The following PRPF8 variants were observed in gnomAD, a reference collection of about 807,000 sequenced individuals.
The protein encoded by PRPF8 is pre-mRNA-processing-splicing factor 8.
Under a neutral mutation model 285.9 loss-of-function variants are expected in PRPF8, and 64 were observed. The ratio of observed to expected loss-of-function variants is 0.22; its 90% CI spans 0.18 to 0.28. The LOEUF (loss-of-function observed/expected upper bound fraction) is 0.28. Ranked by LOEUF, PRPF8 falls within the 10% of genes least tolerant of loss-of-function variation. The pLI, the probability that PRPF8 is intolerant of heterozygous loss-of-function variation, is 1.00. For synonymous variants in PRPF8, 1,325 were observed against 1,118.2 expected (o/e 1.18, Z -3.69); for missense variants, 1,426 against 3,026.7 (o/e 0.47, Z 12.41).
chr17:1,672,497 G>T (rs995755658), intron 24 of PRPF8, among the ~76,000 whole-genome samples: 2 of 152,180 alleles, frequency 1.3e-5, no homozygotes, highest in African/African-American at 4.8e-5. Flanking sequence ...TGGACAGGCT[G>T]GTCTCAAACT....
chr17:1,667,355 T>C (rs1191279215), intron 24 of PRPF8, among the ~76,000 whole-genome samples: 1 of 152,174 alleles, frequency 6.6e-6, no homozygotes, highest in Non-Finnish European at 1.5e-5. Context: ...GAGGCATAAA[T>C]TCCTGAGGAG....
In PRPF8 at chr17:1,659,168, G is replaced by A. The variant is rs772040944; in HGVS notation, c.5138+189C>T. ...AACCTTCTGAGTAGCTGGGACTACA[G>A]GCGTGGACCACCACGCCCAGCTAAT... On this transcript the variant is annotated intron_variant, in intron 32 of 42. Coordinates refer to ENST00000304992, the MANE Select transcript of PRPF8 (RefSeq NM_006445.4). The surrounding 1 kb of genome is among the most constrained non-coding windows in gnomAD (Gnocchi z 5.1). 3 of 706,388 alleles carry A rather than the reference G, an allele frequency of 4.2e-6. No homozygotes were observed. Among genetic ancestry groups the A allele is most frequent in the East Asian group, 5.4e-5 (2 of 37,014 alleles). The allele number at this position is 706,388 out of a possible 1,614,324, so 43.8% of individuals were successfully genotyped here. A position where few individuals can be genotyped will look rare whatever the true frequency, so the allele number is the denominator to read the frequency against.
chr17:1,667,390 A>G (rs1443301416), intron 24 of PRPF8, among the ~76,000 whole-genome samples: 1 of 152,224 alleles, frequency 6.6e-6, no homozygotes, highest in East Asian at 1.9e-4. Flanking sequence ...ACTAAATAGC[A>G]GAAATTCCTG....
intron 3 of PRPF8, 72 bp downstream of exon 3, chr17:1,683,461 T>C (rs1035554781): frequency 1.6e-5 from 25 of 1,535,594 alleles, no homozygotes; most frequent in Non-Finnish European, 2.3e-5. Context: ...AAAGCATCAA[T>C]CCAAGACTGT....
In PRPF8 at chr17:1,651,221, T is replaced by C. The variant is rs770322405; in HGVS notation, c.6740A>G (p.Asn2247Ser). ...WGRQNTDKGN[N>S]PKGYLPSHYE... ...GTGTGAAGGCAGGTAGCCCTTGGGG[T>C]TGTTGCCCTTGTCTGTGTTCTGGCG... Residue 2247 changes from asparagine to serine, a missense_variant, in exon 42 of 43, where the codon AAC becomes AGC. Asn to Ser is a conservative substitution (Grantham distance 46, BLOSUM62 1). This residue lies in a region of PRPF8 where 160 missense variants were observed against 373.7 expected (regional missense o/e 0.43). Coordinates refer to ENST00000304992, the MANE Select transcript of PRPF8 (RefSeq NM_006445.4). The surrounding 1 kb of genome is among the most constrained non-coding windows in gnomAD (Gnocchi z 5.1). 1.7e-5 allele frequency: 28 copies of C among 1,613,950 alleles called. No homozygotes were observed. Among genetic ancestry groups the C allele is most frequent in the Non-Finnish European group, 2.1e-5 (25 of 1,180,034 alleles).
chr17:1,651,848 G>T lies in PRPF8; in HGVS notation c.6370-60C>A, dbSNP rs1482005585. 15 of 1,582,220 alleles carry T rather than the reference G, an allele frequency of 9.5e-6. No individual in the cohort carries two copies. The highest frequency in any genetic ancestry group is 1.3e-5 in the African/African-American group (1 of 74,220). On this transcript the variant is annotated intron_variant, in intron 39 of 42. Coordinates refer to ENST00000304992, the MANE Select transcript of PRPF8 (RefSeq NM_006445.4). The surrounding 1 kb of genome is among the most constrained non-coding windows in gnomAD (Gnocchi z 5.1). The stretch of plus-strand genomic sequence containing the variant: ...TTAGTACCAGGTCAGAGTTGGAGCT[G>T]CCAGCCCTCTGTTTCCTTCCTTCCC...
In PRPF8 at chr17:1,662,136, A is replaced by T; in HGVS notation, c.3792T>A (p.Asn1264Lys). The change falls in exon 25 of 43, where the codon AAT (asparagine) becomes AAA (lysine). Residue 1264 changes from asparagine to lysine, a missense_variant. This residue lies in a region of PRPF8 where 25 missense variants were observed against 106.8 expected (regional missense o/e 0.23). Coordinates refer to ENST00000304992, the MANE Select transcript of PRPF8 (RefSeq NM_006445.4). ...TTFTKIVNKW[N>K]TALIGLMTYF... ...ATGTCATAAGGCCAATGAGAGCTGT[A>T]TTCCACTTATTCACAATCTAAAGGT... The T allele has an allele frequency of 6.2e-7, 1 of 1,614,242 alleles. No individual in the cohort carries two copies.
chr17:1,682,910 G>A lies in PRPF8; in HGVS notation c.270-617C>T, dbSNP rs185823604. ...TTAAATACCCCAAACACAGAATTCAGGTCCCTGAGGAGCGACAGGCTGCCA... is the reference window on the plus strand; with the variant it reads ...TTAAATACCCCAAACACAGAATTCAAGTCCCTGAGGAGCGACAGGCTGCCA... On this transcript the variant is annotated intron_variant, in intron 3 of 42. Coordinates refer to ENST00000304992, the MANE Select transcript of PRPF8 (RefSeq NM_006445.4). 388 of 177,456 alleles carry A rather than the reference G, an allele frequency of 2.2e-3. 2 individuals carry two copies. The highest frequency in any genetic ancestry group is 8.6e-3 in the African/African-American group (360 of 41,686). The allele number at this position is 177,456 out of a possible 1,614,324, so 11.0% of individuals were successfully genotyped here.
At position 1,651,388 on chromosome 17, in the gene PRPF8, C is replaced by T. The variant is rs766497706; in HGVS notation, c.6650+26G>A. On this transcript the variant is annotated intron_variant, in intron 41 of 42. Coordinates refer to ENST00000304992, the MANE Select transcript of PRPF8 (RefSeq NM_006445.4). This position sits in a 1 kb window ranked among gnomAD's most constrained non-coding sequence, Gnocchi z 5.1. ...GGCCTGCAATCCCTGCCCCACCATA[C>T]TTCCTCCCAAGGAGCCCAGGCCCAC... 4 of 1,614,018 alleles carry T rather than the reference C, an allele frequency of 2.5e-6. No homozygotes were observed. The highest frequency in any genetic ancestry group is 3.4e-6 in the Non-Finnish European group (4 of 1,180,022).
chr17:1,678,693 G>C, intron 12 of PRPF8, 41 bp from the exon 13 acceptor site: 2 of 1,614,118 alleles, frequency 1.2e-6, no homozygotes, highest in Non-Finnish European at 1.7e-6. Context: ...GCTTAAACCA[G>C]CTCCACGGTC....
chr17:1,672,984 AGAAG>A (rs958154601), intron 24 of PRPF8, 93 bp downstream of exon 24: 2 of 1,124,198 alleles, frequency 1.8e-6, no homozygotes, highest in African/African-American at 3.1e-5. Flanking sequence ...AGCAAAGAAG[AGAAG>A]GAAGCAGCCA....
Position 1,651,480 on chromosome 17 carries a change from G to C in PRPF8, c.6584C>G (p.Thr2195Ser), listed in dbSNP as rs377037603. The C allele has an allele frequency of 6.2e-7, 1 of 1,614,072 alleles. No individual in the cohort carries two copies. The highest frequency in any genetic ancestry group is 1.3e-5 in the African/African-American group (1 of 74,924). Reference protein sequence around the residue: ...SPQLSPQDVTTHAKIMADNPS... With the variant: ...SPQLSPQDVTSHAKIMADNPS... Reference sequence around the variant, plus strand: ...GTTGTCAGCCATGATCTTGGCATGGGTGGTGACATCCTGGGGTGATAACTG... The same window carrying C: ...GTTGTCAGCCATGATCTTGGCATGGCTGGTGACATCCTGGGGTGATAACTG... Residue 2195 changes from threonine (T) to serine (S), a missense_variant, in exon 41 of 43, where the codon ACC becomes AGC. By Grantham distance (58) the Thr-to-Ser change is moderately conservative. Coordinates refer to ENST00000304992, the MANE Select transcript of PRPF8 (RefSeq NM_006445.4). The surrounding 1 kb of genome is among the most constrained non-coding windows in gnomAD (Gnocchi z 5.1).
intron 24 of PRPF8, among the ~76,000 whole-genome samples, chr17:1,671,140 C>T (rs1912293115): frequency 1.3e-5 from 2 of 152,152 alleles, no homozygotes; most frequent in Non-Finnish European, 1.5e-5. Context: ...CTAGTTACAT[C>T]GCCACACTTC....
chr17:1,667,104 C>T (rs967915205), intron 24 of PRPF8, among the ~76,000 whole-genome samples: 2 of 151,762 alleles, frequency 1.3e-5, no homozygotes, highest in African/African-American at 4.8e-5. Context: ...ACCCGGGAGG[C>T]GGGGGTCGCA....
intron 2 of PRPF8, 74 bp from the exon 3 acceptor site, chr17:1,683,775 C>T: frequency 6.4e-7 from 1 of 1,567,460 alleles, no homozygotes; most frequent in South Asian, 1.1e-5. Flanking sequence ...CTAGGGTAAG[C>T]TCCTGTCAGT....
chr17:1,658,932 G>A lies in PRPF8; in HGVS notation c.5139-169C>T, dbSNP rs1038145808. On this transcript the variant is annotated intron_variant, in intron 32 of 42. Coordinates refer to ENST00000304992, the MANE Select transcript of PRPF8 (RefSeq NM_006445.4). This position sits in a 1 kb window ranked among gnomAD's most constrained non-coding sequence, Gnocchi z 4.1. Reference sequence around the variant, plus strand: ...GAATCAGTGACCCATAGGAGGAATGGGCCACTTCCTCTCACTTAGGTAAAG... The same window carrying A: ...GAATCAGTGACCCATAGGAGGAATGAGCCACTTCCTCTCACTTAGGTAAAG... The A allele has an allele frequency of 2.1e-4, 150 of 721,142 alleles. 1 individual carries two copies. The African/African-American group carries it at 2.1e-3, about 10-fold the overall frequency. 44.7% of individuals were successfully genotyped at this position (721,142 alleles called of 1,614,324 possible).
Position 1,658,616 on chromosome 17 carries a change from A to G in PRPF8, c.5286T>C (p.Tyr1762=), listed in dbSNP as rs1567678285. The change falls in exon 33 of 43, where the codon TAT becomes TAC. Residue 1762 remains tyrosine, a synonymous_variant. Coordinates refer to ENST00000304992, the MANE Select transcript of PRPF8 (RefSeq NM_006445.4). The surrounding 1 kb of genome is among the most constrained non-coding windows in gnomAD (Gnocchi z 4.1). ...GCTCACCATAGTTCTGAGAAGACAA[A>G]TAAGGCTCAGTGGGTTCAGATGAAT... The part of the protein sequence containing the change: ...QLYSSEPTEP[Y]LSSQNYGELF... 1.2e-6 allele frequency: 2 copies of G among 1,614,226 alleles called. No homozygotes were observed. Among genetic ancestry groups the G allele is most frequent in the African/African-American group, 1.3e-5 (1 of 75,078 alleles).
In PRPF8 at chr17:1,658,487, T is replaced by C. The variant is rs771428694; in HGVS notation, c.5376+39A>G. The C allele has an allele frequency of 6.2e-7, 1 of 1,612,812 alleles. No individual in the cohort carries two copies. Among genetic ancestry groups the C allele is most frequent in the Non-Finnish European group, 8.5e-7 (1 of 1,178,916 alleles). ...AGCCCATTACTCTCCCACAGCCATGTACAGAGTCCCGCACCTATACACTGC... is the reference window on the plus strand; with the variant it reads ...AGCCCATTACTCTCCCACAGCCATGCACAGAGTCCCGCACCTATACACTGC... On this transcript the variant is annotated intron_variant, in intron 33 of 42. Transcript: ENST00000304992. This position sits in a 1 kb window ranked among gnomAD's most constrained non-coding sequence, Gnocchi z 4.1.
rs1911214083 is a variant in PRPF8 at position 1,653,989 on chromosome 17, T to G, written c.6015A>C (p.Ser2005=). ...TACCCAGGATGATGTCTCGAATTTC[T>G]GATTGTGTCAGTGATGCCACGTTCA... ...NNVNVASLTQ[S]EIRDIILGME... The change falls in exon 38 of 43, where the codon TCA becomes TCC. Residue 2005 remains serine, a synonymous_variant. Transcript: ENST00000304992. This position sits in a 1 kb window ranked among gnomAD's most constrained non-coding sequence, Gnocchi z 4.9. The G allele has an allele frequency of 6.2e-7, 1 of 1,614,228 alleles. No individual in the cohort carries two copies. The highest frequency in any genetic ancestry group is 8.5e-7 in the Non-Finnish European group (1 of 1,180,038).
Sources: allele counts gnomAD v4.1 joint callset (sites outside exome capture counted in the v4.1 genomes callset), GRCh38; gene constraint gnomAD v4.1.1; regional missense constraint gnomAD v4.1.1; non-coding constraint Gnocchi (gnomAD v3.1); transcripts MANE v1.5; gene names NCBI Gene and HGNC (gene_info 2026-07-23, HGNC 2026-07-21).